The following ZBTB16 variants were observed in gnomAD, a reference collection of about 807,000 sequenced individuals.
The protein encoded by ZBTB16 is zinc finger and BTB domain-containing protein 16.
In ZBTB16, 8 loss-of-function variants were observed where a neutral mutation model predicts 56.8. That is an observed-to-expected ratio of 0.14 (90% CI 0.08 to 0.25). The LOEUF is 0.25. Ranked by LOEUF, ZBTB16 falls within the 10% of genes least tolerant of loss-of-function variation. ZBTB16 has a pLI of 1.00. For missense variants in ZBTB16, 625 were observed against 903.0 expected, an observed-to-expected ratio of 0.69 and a Z score of 3.95; for synonymous variants, 363 against 368.5, an observed-to-expected ratio of 0.98 and a Z score of 0.17.
At chr11:114,085,831 C>G (rs1939939851) in intron 2 of ZBTB16, among the ~76,000 whole-genome samples, 1 of 152,004 alleles carries the variant, frequency 6.6e-6, no homozygotes. Context: ...TGGATTGGGG[C>G]CAGGTCCTAG....
At chr11:114,068,729 T>C (rs1274611080) in intron 2 of ZBTB16, among the ~76,000 whole-genome samples, 4 of 152,210 alleles carry the variant, frequency 2.6e-5, no homozygotes. Context: ...CTCAGGATTC[T>C]GGAACACTGG....
At position 114,251,588 on chromosome 11, in the gene ZBTB16, G is replaced by A. The variant is rs920080662; in HGVS notation, c.*1033G>A. On this transcript the variant is annotated 3_prime_UTR_variant, in exon 7 of 7. Transcript: ENST00000335953. ...AGAGGGGTCCCACACCTGGAAAAGA[G>A]GACACCCAGCCCGTGGGATGAGGGA... Among the ~76,000 whole-genome samples the A allele has an allele frequency of 2.0e-5, 3 of 152,206 alleles. No individual in the cohort carries two copies. The highest frequency in any genetic ancestry group is 4.4e-5 in the Non-Finnish European group (3 of 68,038).
At chr11:114,212,254 G>A (rs922607926) in intron 4 of ZBTB16, among the ~76,000 whole-genome samples, 2 of 152,090 alleles carry the variant, frequency 1.3e-5, no homozygotes, top group African/African-American at 4.8e-5. Flanking sequence ...TTCATCTTGA[G>A]AAGGTTTAAC....
At chr11:114,226,827 G>A (rs1036014377) in intron 4 of ZBTB16, among the ~76,000 whole-genome samples, 1 of 152,188 alleles carries the variant, frequency 6.6e-6, no homozygotes, top group Non-Finnish European at 1.5e-5. Flanking sequence ...AGTTCCAGAT[G>A]TGGGGGTAAT....
intron 4 of ZBTB16, chr11:114,189,709 T>A (rs1943446661): frequency 6.7e-6 from 1 of 148,690 alleles, no homozygotes; most frequent in Non-Finnish European, 1.5e-5. Flanking sequence ...GAAGTTGCAG[T>A]GAGCTGAGAT....
intron 2 of ZBTB16, among the ~76,000 whole-genome samples, chr11:114,115,808 GAGA>G (rs1941153999): frequency 1.3e-5 from 2 of 152,178 alleles, no homozygotes; most frequent in African/African-American, 2.4e-5. Context: ...GAGGGGAGGG[GAGA>G]AGGACAGAGA....
At chr11:114,086,072 T>TA (rs976698903) in intron 2 of ZBTB16, among the ~76,000 whole-genome samples, 1 of 152,102 alleles carries the variant, frequency 6.6e-6, no homozygotes, top group African/African-American at 2.4e-5. Flanking sequence ...TTGAAGTTCT[T>TA]ACGCCCACTA....
At chr11:114,235,769 G>GTTCCTTCC (rs566992538) in intron 4 of ZBTB16, among the ~76,000 whole-genome samples, 5 of 76,686 alleles carry the variant, frequency 6.5e-5, no homozygotes, top group Non-Finnish European at 1.1e-4. Context: ...TCCTTCCTTC[G>GTTCCTTCC]TTCCTTCCTT....
intron 2 of ZBTB16, among the ~76,000 whole-genome samples, chr11:114,092,404 G>A (rs1367260946): frequency 6.6e-6 from 1 of 152,156 alleles, no homozygotes; most frequent in Non-Finnish European, 1.5e-5. Context: ...TTGGGGCGGG[G>A]GCACACTGCC....
chr11:114,123,165 G>A (rs1279737022), intron 2 of ZBTB16, among the ~76,000 whole-genome samples: 1 of 152,030 alleles, frequency 6.6e-6, no homozygotes, highest in African/African-American at 2.4e-5. Flanking sequence ...ACTTCCTTAC[G>A]GGTTCTGTCT....
At chr11:114,119,224 C>T (rs1941267705) in intron 2 of ZBTB16, among the ~76,000 whole-genome samples, 2 of 134,606 alleles carry the variant, frequency 1.5e-5, no homozygotes, top group South Asian at 4.9e-4. Context: ...GAAACCACAC[C>T]ACTCCGCTCC....
intron 3 of ZBTB16, among the ~76,000 whole-genome samples, chr11:114,162,971 G>A (rs1942633599): frequency 6.6e-6 from 1 of 152,084 alleles, no homozygotes; most frequent in Admixed American, 6.6e-5. Flanking sequence ...TGGATGTTCT[G>A]CCAGCATTCC....
intron 3 of ZBTB16, among the ~76,000 whole-genome samples, chr11:114,172,614 C>T (rs945130774): frequency 1.3e-5 from 2 of 152,164 alleles, no homozygotes; most frequent in African/African-American, 4.8e-5. Context: ...TTCTCCCAGC[C>T]CACAGCTCAC....
At chr11:114,123,096 C>A (rs1941389748) in intron 2 of ZBTB16, among the ~76,000 whole-genome samples, 1 of 152,116 alleles carries the variant, frequency 6.6e-6, no homozygotes, top group Non-Finnish European at 1.5e-5. Flanking sequence ...TCTCTTCTTA[C>A]AAGGACACTA....
intron 5 of ZBTB16, among the ~76,000 whole-genome samples, chr11:114,244,850 C>A (rs1169116747): frequency 6.6e-6 from 1 of 151,206 alleles, no homozygotes; most frequent in African/African-American, 2.4e-5. Context: ...CCGCCCCCTT[C>A]CCCCCCACCG....
chr11:114,228,617 G>A (rs1944376869), intron 4 of ZBTB16, among the ~76,000 whole-genome samples: 2 of 152,192 alleles, frequency 1.3e-5, no homozygotes, highest in South Asian at 2.1e-4. Context: ...CACAGTGCAC[G>A]GGGCTGGGAG....
chr11:114,122,879 T>C (rs1365771428), intron 2 of ZBTB16, among the ~76,000 whole-genome samples: 2 of 152,156 alleles, frequency 1.3e-5, no homozygotes, highest in Non-Finnish European at 2.9e-5. Flanking sequence ...GTTATTTATC[T>C]AAGTCTGCTC....
At chr11:114,239,402 G>C (rs949143642) in intron 4 of ZBTB16, among the ~76,000 whole-genome samples, 4 of 152,112 alleles carry the variant, frequency 2.6e-5, no homozygotes, top group African/African-American at 4.8e-5. Flanking sequence ...GCTCTCTGTG[G>C]GGTGGGGGTT....
At chr11:114,066,160 C>T (rs865881612) in intron 2 of ZBTB16, among the ~76,000 whole-genome samples, 52 of 152,270 alleles carry the variant, frequency 3.4e-4, no homozygotes, top group African/African-American at 1.2e-3. Flanking sequence ...GTTGCTCGTT[C>T]AGGTACGGGG....
Sources: gnomAD v4.1 joint callset for allele counts (sites outside exome capture counted in the v4.1 genomes callset) on GRCh38, gnomAD v4.1.1 for gene constraint, MANE v1.5 for transcripts, NCBI Gene and HGNC (gene_info 2026-07-23, HGNC 2026-07-21) for gene names.